Variants in SHISA9 observed in about 807,000 individuals in gnomAD.
The protein encoded by SHISA9 is shisa family member 9.
In SHISA9, 13 loss-of-function variants were observed where a neutral mutation model predicts 38.0. The ratio of observed to expected loss-of-function variants is 0.34; its 90% CI spans 0.22 to 0.54. The LOEUF (loss-of-function observed/expected upper bound fraction) is 0.54, where lower values mean the gene tolerates loss of function less well. Among genes scored for constraint, SHISA9 ranks in the 20% least tolerant of loss-of-function variants. The pLI, the probability that SHISA9 is intolerant of heterozygous loss-of-function variation, is 0.91. For synonymous variants in SHISA9, 275 were observed against 242.0 expected, an observed-to-expected ratio of 1.14 and a Z score of -1.27; for missense variants, 538 against 575.8, an observed-to-expected ratio of 0.93 and a Z score of 0.67.
At chr16:13,315,845 G>A in the SHISA9 span, among the ~76,000 whole-genome samples, 187 of 152,202 alleles carry the variant, frequency 1.2e-3, no homozygotes, top group African/African-American at 4.1e-3. Flanking sequence ...GAACCCAGGC[G>A]GGTAGAAGCC....
At chr16:13,469,417 GAAAGAA>G in the SHISA9 span, among the ~76,000 whole-genome samples, 163 of 112,194 alleles carry the variant, frequency 1.5e-3, no homozygotes, top group South Asian at 5.6e-3. Context: ...AAGAAAGAAA[GAAAGAA>G]AAAGAAAGAA....
At chr16:13,502,207 A>G in the SHISA9 span, among the ~76,000 whole-genome samples, 7 of 139,168 alleles carry the variant, frequency 5.0e-5, no homozygotes, top group Non-Finnish European at 1.2e-4. Flanking sequence ...CACCTACAAA[A>G]TAAACCAAAG....
At chr16:13,271,806 G>A in the SHISA9 span, among the ~76,000 whole-genome samples, 1 of 152,088 alleles carries the variant, frequency 6.6e-6, no homozygotes, top group Non-Finnish European at 1.5e-5. Context: ...TCTAGGCTGG[G>A]TGTGGTGGCT....
At chr16:13,518,819 G>A in the SHISA9 span, among the ~76,000 whole-genome samples, 3 of 152,334 alleles carry the variant, frequency 2.0e-5, no homozygotes, top group Middle Eastern at 3.4e-3. Context: ...AGGTTAGGAA[G>A]TCCAAGATCA....
chr16:13,253,321 G>A, the SHISA9 span, among the ~76,000 whole-genome samples: 4 of 152,134 alleles, frequency 2.6e-5, no homozygotes, highest in Non-Finnish European at 4.4e-5. Flanking sequence ...GGTTTGAGGT[G>A]CATCTCTTCT....
At chr16:13,036,834 A>C (rs1306002360) in intron 2 of SHISA9, among the ~76,000 whole-genome samples, 2 of 152,022 alleles carry the variant, frequency 1.3e-5, no homozygotes, top group Non-Finnish European at 1.5e-5. Context: ...AGTTAGCACA[A>C]ATCTGGCAAC....
At chr16:13,374,645 T>C in the SHISA9 span, among the ~76,000 whole-genome samples, 19 of 152,372 alleles carry the variant, frequency 1.2e-4, no homozygotes, top group African/African-American at 4.6e-4. Context: ...TGTGTCTTTA[T>C]AGCAGCATGA....
chr16:12,904,978 A>C (rs1292937366), intron 1 of SHISA9, among the ~76,000 whole-genome samples: 1 of 152,122 alleles, frequency 6.6e-6, no homozygotes, highest in Non-Finnish European at 1.5e-5. Context: ...TCAGCCTCCC[A>C]AAGTGCTAGG....
chr16:13,206,779 T>C (rs565139068), intron 3 of SHISA9, among the ~76,000 whole-genome samples: 1 of 152,354 alleles, frequency 6.6e-6, no homozygotes, highest in African/African-American at 2.4e-5. Flanking sequence ...CAACCCTCGT[T>C]ATGTCCCATG....
rs533383506 is a variant in SHISA9, at chr16:12,983,916, T to C, written c.691+67101T>C. ...TTCTGTTTCTTATCACCAAATGCTA[T>C]GTGATTAAGATAACCAGTGCTCTTG... On this transcript the variant is annotated intron_variant, in intron 2 of 4. Transcript: ENST00000558583. 2.1e-3 allele frequency among the ~76,000 whole-genome samples: 315 copies of C among 152,354 alleles called. 1 individual carries two copies. The highest frequency in any genetic ancestry group is 7.3e-3 in the African/African-American group (304 of 41,584).
chr16:13,546,170 A>G, the SHISA9 span, among the ~76,000 whole-genome samples: 3 of 152,108 alleles, frequency 2.0e-5, no homozygotes, highest in Non-Finnish European at 4.4e-5. Context: ...GAAATGTGCA[A>G]CCCTGTCCAA....
Position 13,235,360 on chromosome 16 carries a change from C to G in SHISA9, c.1226C>G (p.Pro409Arg). The change falls in exon 5 of 5, where the codon CCC becomes CGC. Residue 409 changes from proline (P) to arginine (R), a missense_variant. Transcript: ENST00000558583. The stretch of plus-strand genomic sequence containing the variant: ...GGAACTCGCCCCCAGCACTACCCAC[C>G]CCCACAGCCATACTTCATCACCAAC... ...PLGTRPQHYP[P>R]PQPYFITNSK... The G allele has an allele frequency of 1.9e-6, 3 of 1,541,894 alleles. No individual in the cohort carries two copies. Among genetic ancestry groups the G allele is most frequent in the Non-Finnish European group, 2.6e-6 (3 of 1,146,994 alleles).
chr16:13,315,197 C>T, the SHISA9 span, among the ~76,000 whole-genome samples: 1 of 152,306 alleles, frequency 6.6e-6, no homozygotes, highest in South Asian at 2.1e-4. Flanking sequence ...TAGCATAGCA[C>T]CTGCAATGCT....
At chr16:12,988,384 A>G (rs2072340944) in intron 2 of SHISA9, among the ~76,000 whole-genome samples, 1 of 152,030 alleles carries the variant, frequency 6.6e-6, no homozygotes, top group African/African-American at 2.4e-5. Context: ...TCTACCACTA[A>G]CAGATTTCTG....
chr16:12,974,763 G>A (rs2072134420), intron 2 of SHISA9, among the ~76,000 whole-genome samples: 1 of 152,068 alleles, frequency 6.6e-6, no homozygotes, highest in South Asian at 2.1e-4. Flanking sequence ...TGATTTCTAA[G>A]TCTATGTGAA....
chr16:13,112,027 C>G (rs541702077), intron 2 of SHISA9, among the ~76,000 whole-genome samples: 1 of 152,190 alleles, frequency 6.6e-6, no homozygotes, highest in Non-Finnish European at 1.5e-5. Flanking sequence ...GGCCTTTGCT[C>G]TTTCCCATTT....
At chr16:13,305,673 T>C in the SHISA9 span, among the ~76,000 whole-genome samples, 1 of 152,160 alleles carries the variant, frequency 6.6e-6, no homozygotes, top group Non-Finnish European at 1.5e-5. Context: ...TGGATTGTCC[T>C]CCATTTGAAT....
chr16:12,940,588 C>T (rs1596540527), intron 2 of SHISA9, among the ~76,000 whole-genome samples: 1 of 152,240 alleles, frequency 6.6e-6, no homozygotes, highest in East Asian at 1.9e-4. Context: ...AATAAAAACC[C>T]CTGCTTTCCT....
the SHISA9 span, among the ~76,000 whole-genome samples, chr16:13,553,942 G>A: frequency 4.6e-5 from 7 of 152,174 alleles, no homozygotes; most frequent in Admixed American, 2.6e-4. Context: ...AACCAGTCAC[G>A]GCTGTAAAGG....
Sources: gnomAD v4.1 joint callset for allele counts (sites outside exome capture counted in the v4.1 genomes callset) on GRCh38, gnomAD v4.1.1 for gene constraint, MANE v1.5 for transcripts, NCBI Gene and HGNC (gene_info 2026-07-23, HGNC 2026-07-21) for gene names.